LARGE1: variants seen among roughly 807,000 people sequenced by gnomAD.
LARGE1 encodes LARGE xylosyl- and glucuronyltransferase 1.
Under a neutral mutation model 87.6 loss-of-function variants are expected in LARGE1, and 43 were observed. The ratio of observed to expected loss-of-function variants is 0.49; its 90% CI spans 0.38 to 0.63. LARGE1 has a LOEUF of 0.63. Among genes scored for constraint, LARGE1 ranks in the 30% least tolerant of loss-of-function variants. LARGE1 has a pLI of 0.00. For synonymous variants in LARGE1, 434 were observed against 394.6 expected, an observed-to-expected ratio of 1.10 and a Z score of -1.18; for missense variants, 802 against 1,000.2, an observed-to-expected ratio of 0.80 and a Z score of 2.67.
intron 11 of LARGE1, among the ~76,000 whole-genome samples, chr22:33,184,957 T>C (rs1321250524): frequency 6.6e-6 from 1 of 152,150 alleles, no homozygotes; most frequent in Admixed American, 6.5e-5. Context: ...TCATTGCTTC[T>C]GGGAATTCAA....
chr22:33,227,945 T>G (rs900324641), intron 11 of LARGE1, among the ~76,000 whole-genome samples: 7 of 152,248 alleles, frequency 4.6e-5, no homozygotes, highest in Non-Finnish European at 1.0e-4. Context: ...AAATGCATTC[T>G]TCTTCCCCAA....
At chr22:33,172,672 A>T (rs762775119) in intron 11 of LARGE1, among the ~76,000 whole-genome samples, 10 of 152,164 alleles carry the variant, frequency 6.6e-5, no homozygotes, top group Non-Finnish European at 1.5e-5. Context: ...GTATCATGTG[A>T]TAAGATTATA....
At chr22:33,162,146 C>T (rs1317264585), downstream of LARGE1, 2 of 152,258 alleles carry the variant, frequency 1.3e-5, no homozygotes, top group Admixed American at 6.5e-5. Context: ...TAGCACCCCA[C>T]TCTCATTATA....
chr22:33,275,968 T>C lies in LARGE1; in HGVS notation c.2073+1092A>G, dbSNP rs916035548. Reference sequence around the variant, plus strand: ...ATACTGACAGCCCTGCTTTCTGTTGTTAAATATGGACATGATTCTATAACC... The same window carrying C: ...ATACTGACAGCCCTGCTTTCTGTTGCTAAATATGGACATGATTCTATAACC... On this transcript the variant is annotated intron_variant, in intron 14 of 14. Coordinates refer to ENST00000397394, the MANE Select transcript of LARGE1 (RefSeq NM_133642.5). Among the ~76,000 whole-genome samples, 2 of 152,288 alleles carry C rather than the reference T, an allele frequency of 1.3e-5. 1 individual carries two copies. Among genetic ancestry groups the C allele is most frequent in the Middle Eastern group, 6.8e-3 (2 of 294 alleles).
chr22:33,671,631 A>G (rs1005403055), intron 2 of LARGE1, among the ~76,000 whole-genome samples: 2 of 152,188 alleles, frequency 1.3e-5, no homozygotes, highest in African/African-American at 4.8e-5. Context: ...AAAGAGCTAT[A>G]TGGTGAAATC....
intron 6 of LARGE1, among the ~76,000 whole-genome samples, chr22:33,448,343 A>G (rs1210482246): frequency 6.6e-6 from 1 of 152,222 alleles, no homozygotes; most frequent in East Asian, 1.9e-4. Flanking sequence ...TGATTTGGTC[A>G]TTCCACAATG....
rs566912397 is a variant in LARGE1 at position 33,228,326 on chromosome 22, G to A, written c.1731-61494C>T. Among the ~76,000 whole-genome samples the A allele has an allele frequency of 2.7e-4, 41 of 152,336 alleles. No individual in the cohort carries two copies. The South Asian group carries it at 3.9e-3, about 15-fold the overall frequency. The stretch of plus-strand genomic sequence containing the variant: ...CAAATTAAATCATTATAATGAAAAC[G>A]GAAGTGCATCCTTACACTGACTGCT... On this transcript the variant is annotated intron_variant, in intron 11 of 11. Transcript: ENST00000608642.
Position 33,624,726 on chromosome 22 carries a change from G to A in LARGE1, c.491+1518C>T, listed in dbSNP as rs549422058. Among the ~76,000 whole-genome samples, 50 of 152,266 alleles carry A rather than the reference G, an allele frequency of 3.3e-4. 1 individual carries two copies. In the South Asian group the frequency reaches 0.01, roughly 31 times the overall value. On this transcript the variant is annotated intron_variant, in intron 4 of 14. Transcript: ENST00000397394. ...TTCCACCCCTTGACAAGGAGAAGCCGCTAAAAGGTTTTGAGAAATCAGATG... is the reference window on the plus strand; with the variant it reads ...TTCCACCCCTTGACAAGGAGAAGCCACTAAAAGGTTTTGAGAAATCAGATG...
At chr22:33,268,907 G>A (rs1928099498), downstream of LARGE1, among the ~76,000 whole-genome samples, 1 of 152,098 alleles carries the variant, frequency 6.6e-6, no homozygotes, top group Non-Finnish European at 1.5e-5. Flanking sequence ...AGCACTACTT[G>A]CCATAAAATT....
chr22:33,448,114 T>C (rs2067763746), intron 6 of LARGE1, among the ~76,000 whole-genome samples: 1 of 152,078 alleles, frequency 6.6e-6, no homozygotes, highest in Admixed American at 6.6e-5. Flanking sequence ...GTGGAATGAT[T>C]ATTTGGTGGG....
chr22:33,592,964 C>T (rs1014929734), intron 5 of LARGE1, among the ~76,000 whole-genome samples: 4 of 152,084 alleles, frequency 2.6e-5, no homozygotes, highest in Non-Finnish European at 4.4e-5. Context: ...CTCAGCCTCC[C>T]GAGTAGCTGG....
intron 6 of LARGE1, among the ~76,000 whole-genome samples, chr22:33,452,743 C>T (rs1185470009): frequency 6.6e-6 from 1 of 152,226 alleles, no homozygotes; most frequent in Non-Finnish European, 1.5e-5. Flanking sequence ...AAACAACACG[C>T]TCCCTTAGCT....
the LARGE1 span, among the ~76,000 whole-genome samples, chr22:33,090,908 T>C: frequency 1.3e-5 from 2 of 152,194 alleles, no homozygotes; most frequent in African/African-American, 4.8e-5. Flanking sequence ...TAGGGAGCTC[T>C]CTTCTTCCCA....
At chr22:33,888,398 G>A (rs576970936) in intron 1 of LARGE1, among the ~76,000 whole-genome samples, 9 of 152,140 alleles carry the variant, frequency 5.9e-5, no homozygotes, top group African/African-American at 9.6e-5. Flanking sequence ...CCTTCCTTCT[G>A]CATTTGCAAA....
At chr22:33,478,838 A>C (rs2069188162) in intron 6 of LARGE1, among the ~76,000 whole-genome samples, 1 of 152,170 alleles carries the variant, frequency 6.6e-6, no homozygotes, top group South Asian at 2.1e-4. Flanking sequence ...TGGCACTTAA[A>C]GATGTGAGAG....
intron 6 of LARGE1, among the ~76,000 whole-genome samples, chr22:33,437,929 C>T (rs1034835564): frequency 1.3e-5 from 2 of 152,064 alleles, no homozygotes; most frequent in African/African-American, 4.8e-5. Context: ...TGGGTGATAC[C>T]TGCTAGACAA....
At chr22:33,338,586 T>C (rs1271474774) in intron 9 of LARGE1, among the ~76,000 whole-genome samples, 1 of 152,218 alleles carries the variant, frequency 6.6e-6, no homozygotes, top group Admixed American at 6.5e-5. Flanking sequence ...GGTTTCTGCC[T>C]CCAGCTAGGA....
the LARGE1 span, among the ~76,000 whole-genome samples, chr22:33,106,545 G>T: frequency 6.6e-6 from 1 of 151,890 alleles, no homozygotes; most frequent in Non-Finnish European, 1.5e-5. Context: ...GCCCAGGCTG[G>T]AGTGCAGTGG....
At chr22:33,441,948 C>T (rs1240170222) in intron 6 of LARGE1, among the ~76,000 whole-genome samples, 3 of 152,158 alleles carry the variant, frequency 2.0e-5, no homozygotes, top group African/African-American at 7.2e-5. Context: ...CTTGATGAAG[C>T]ACCTCTAACC....
Sources: allele counts gnomAD v4.1 joint callset (sites outside exome capture counted in the v4.1 genomes callset), GRCh38; gene constraint gnomAD v4.1.1; transcripts MANE v1.5; gene names NCBI Gene and HGNC (gene_info 2026-07-23, HGNC 2026-07-21).